Variants in TAF1C observed in about 807,000 individuals in gnomAD.
The protein encoded by TAF1C is TATA box-binding protein-associated factor RNA polymerase I subunit C.
In TAF1C, 79 loss-of-function variants were observed where a neutral mutation model predicts 70.5. That is an observed-to-expected ratio of 1.12 (90% CI 0.93 to 1.35). The LOEUF (loss-of-function observed/expected upper bound fraction) is 1.35. Among genes scored for constraint, TAF1C ranks in the 40% most tolerant of loss-of-function variants. The pLI is 0.00. For synonymous variants in TAF1C, 614 were observed against 491.1 expected (o/e 1.25, Z -3.31); for missense variants, 1,412 against 1,127.8 (o/e 1.25, Z -3.61).
rs747517990 is a variant in TAF1C at position 84,179,620 on chromosome 16, A to G, written c.1853T>C (p.Leu618Pro). The G allele has an allele frequency of 3.1e-6, 5 of 1,612,536 alleles. No individual in the cohort carries two copies. In the Admixed American group the frequency reaches 5.0e-5, roughly 16 times the overall value. The change falls in exon 15 of 15, where the codon CTA becomes CCA. Residue 618 changes from leucine (L) to proline (P), a missense_variant. By Grantham distance (98) the Leu-to-Pro change is moderately conservative. Coordinates refer to ENST00000566732, the MANE Select transcript of TAF1C (RefSeq NM_001243156.2). The part of the protein sequence containing the change: ...AGCSQWLKAL[L>P]KVPLAPPVWT... ...CACAGGAGGAGCCAGGGGCACTTTTAGCAGGGCCTTCAGCCACTGGCTGCA... is the reference window on the plus strand; with the variant it reads ...CACAGGAGGAGCCAGGGGCACTTTTGGCAGGGCCTTCAGCCACTGGCTGCA...
At position 84,179,123 on chromosome 16, in the gene TAF1C, C is replaced by G. The variant is rs145817207; in HGVS notation, c.2350G>C (p.Glu784Gln). ...PDACAQGVPS[E>Q]QRQMLRDYMA... ...TAGTCACGGAGCATCTGCCGCTGCT[C>G]TGATGGGACGCCCTGGGCGCATGCA... Residue 784 changes from glutamate (E) to glutamine (Q), a missense_variant, in exon 15 of 15, where the codon GAG (glutamate) becomes CAG (glutamine). Physicochemically the swap from Glu to Gln is conservative, Grantham distance 29 (BLOSUM62 2). Transcript: ENST00000566732. The G allele has an allele frequency of 2.1e-4, 344 of 1,609,446 alleles. 4 individuals are homozygous for G. The African/African-American group carries it at 4.2e-3, about 20-fold the overall frequency.
intron 11 of TAF1C, 31 bp from the exon 12 acceptor site, chr16:84,181,217 C>G (rs367838976): frequency 1.3e-6 from 2 of 1,594,058 alleles, no homozygotes; most frequent in Non-Finnish European, 1.7e-6. Context: ...CAGCCCTCCC[C>G]ACAGTCCCAG....
intron 12 of TAF1C, 156 bp downstream of exon 12, chr16:84,180,887 G>A (rs2089136882): frequency 1.4e-6 from 2 of 1,431,246 alleles, no homozygotes; most frequent in Non-Finnish European, 1.8e-6. Flanking sequence ...CCGACTGTGG[G>A]ATCCACTGCG....
chr16:84,183,032 C>G, intron 6 of TAF1C, 44 bp downstream of exon 6: 1 of 1,604,140 alleles, frequency 6.2e-7, no homozygotes, highest in South Asian at 1.1e-5. Context: ...ATCCCCACCA[C>G]CAGCTATGCC....
Position 84,178,517 on chromosome 16 carries a change from C to G in TAF1C, c.*424G>C, listed in dbSNP as rs1045821579. The G allele has an allele frequency of 2.8e-5, 13 of 461,536 alleles. No individual in the cohort carries two copies. In the East Asian group the frequency reaches 3.4e-4, roughly 12 times the overall value. 28.6% of individuals were successfully genotyped at this position (461,536 alleles called of 1,614,324 possible). ...CCAACGGCCGCTGTGCCCACCTCAT[C>G]AGCAGCTCTGCAGGGGCCTCACTCC... On this transcript the variant is annotated 3_prime_UTR_variant, in exon 15 of 15. Transcript: ENST00000566732.
chr16:84,178,169 A>C lies in TAF1C; in HGVS notation c.*772T>G. ...AAATGAGAAGGGGAGGGAGGAAAGA[A>C]AGGGGGGAGTCTGTGAGGCACAACA... On this transcript the variant is annotated 3_prime_UTR_variant, in exon 15 of 15. Coordinates refer to ENST00000566732, the MANE Select transcript of TAF1C (RefSeq NM_001243156.2). The C allele has an allele frequency of 2.6e-6, 1 of 381,162 alleles. No individual in the cohort carries two copies. The allele number at this position is 381,162 out of a possible 1,614,324, so 23.6% of individuals were successfully genotyped here.
At position 84,179,659 on chromosome 16, in the gene TAF1C, T is replaced by C; in HGVS notation, c.1814A>G (p.Gln605Arg). 6.2e-7 allele frequency: 1 copy of C among 1,612,616 alleles called. No homozygotes were observed. Among genetic ancestry groups the C allele is most frequent in the South Asian group, 1.1e-5 (1 of 91,050 alleles). Reference protein sequence around the residue: ...CHAPTASWTSQDTAGCSQWLK... With the variant: ...CHAPTASWTSRDTAGCSQWLK... ...CCACTGGCTGCAGCCGGCAGTGTCCTGGGAGGTCCAGGAAGCTGTGGGGGC... is the reference window on the plus strand; with the variant it reads ...CCACTGGCTGCAGCCGGCAGTGTCCCGGGAGGTCCAGGAAGCTGTGGGGGC... The change falls in exon 15 of 15, where the codon CAG (glutamine) becomes CGG (arginine). Residue 605 changes from glutamine to arginine, a missense_variant. Gln to Arg is a conservative substitution (Grantham distance 43). Transcript: ENST00000566732.
Position 84,183,481 on chromosome 16 carries a change from G to C in TAF1C, c.247C>G (p.Arg83Gly), listed in dbSNP as rs538394488. ...IDPWDPGLTA[R>G]DLLFRGGCRY... ...CACCCTCCGCGGAAAAGCAGGTCCC[G>C]GGCAGTCAGGCCAGGGTCCCAGGGA... Residue 83 changes from arginine to glycine, a missense_variant, in exon 4 of 15, where the codon CGG (arginine) becomes GGG (glycine). Physicochemically the swap from Arg to Gly is moderately radical, Grantham distance 125. Coordinates refer to ENST00000566732, the MANE Select transcript of TAF1C (RefSeq NM_001243156.2). The C allele has an allele frequency of 2.5e-6, 4 of 1,611,086 alleles. No homozygotes were observed. Among genetic ancestry groups the C allele is most frequent in the Non-Finnish European group, 3.4e-6 (4 of 1,178,730 alleles).
Position 84,181,190 on chromosome 16 carries a change from G to A in TAF1C, c.1165-4C>T. The A allele has an allele frequency of 6.2e-7, 1 of 1,604,766 alleles. No homozygotes were observed. The highest frequency in any genetic ancestry group is 8.5e-7 in the Non-Finnish European group (1 of 1,172,732). On this transcript the variant is annotated splice_region_variant and splice_polypyrimidine_tract_variant and intron_variant, in intron 11 of 14. Transcript: ENST00000566732. Reference sequence around the variant, plus strand: ...ACAGACCACAGCCCGGCGGGCCCTGGAAGATAAACACAGGGTCAGCCCTCC... The same window carrying A: ...ACAGACCACAGCCCGGCGGGCCCTGAAAGATAAACACAGGGTCAGCCCTCC...
In TAF1C at chr16:84,182,970, G is replaced by A; in HGVS notation, c.482+106C>T. Reference sequence around the variant, plus strand: ...AGTACAGCTCAGACTGCATGGAGCAGGGGGGAAGTGGGTATGACGGAAAGC... The same window carrying A: ...AGTACAGCTCAGACTGCATGGAGCAAGGGGGAAGTGGGTATGACGGAAAGC... On this transcript the variant is annotated intron_variant, in intron 6 of 14. Transcript: ENST00000566732. The surrounding 1 kb of genome is among the most constrained non-coding windows in gnomAD (Gnocchi z 5.0). 5.4e-6 allele frequency: 6 copies of A among 1,109,660 alleles called. No homozygotes were observed. Among genetic ancestry groups the A allele is most frequent in the South Asian group, 3.9e-5 (3 of 77,014 alleles). The allele number at this position is 1,109,660 out of a possible 1,614,324, so 68.7% of individuals were successfully genotyped here. A position where few individuals can be genotyped will look rare whatever the true frequency, so the allele number is the denominator to read the frequency against.
Position 84,185,001 on chromosome 16 carries a change from G to C in TAF1C, c.-13C>G, listed in dbSNP as rs769664693. ...TGGGGAAGTCCATCCTGGAAACAAG[G>C]ACCAAGCACCACACTGGCCACCTCG... On this transcript the variant is annotated 5_prime_UTR_variant, in exon 2 of 15. Transcript: ENST00000566732. 1 of 1,612,340 alleles carries C rather than the reference G, an allele frequency of 6.2e-7. No individual in the cohort carries two copies. The highest frequency in any genetic ancestry group is 8.5e-7 in the Non-Finnish European group (1 of 1,179,188).
intron 1 of TAF1C, among the ~76,000 whole-genome samples, chr16:84,185,959 G>C (rs1481905023): frequency 2.0e-5 from 3 of 152,186 alleles, no homozygotes; most frequent in African/African-American, 7.2e-5. Context: ...AGAAGTATGA[G>C]CAGCCATAGC....
In TAF1C at chr16:84,179,664, G is replaced by C. The variant is rs375887386; in HGVS notation, c.1809C>G (p.Thr603=). Residue 603 remains threonine (T), a synonymous_variant, in exon 15 of 15, where the codon ACC becomes ACG. Coordinates refer to ENST00000566732, the MANE Select transcript of TAF1C (RefSeq NM_001243156.2). Reference sequence around the variant, plus strand: ...GGCTGCAGCCGGCAGTGTCCTGGGAGGTCCAGGAAGCTGTGGGGGCATGGC... The same window carrying C: ...GGCTGCAGCCGGCAGTGTCCTGGGACGTCCAGGAAGCTGTGGGGGCATGGC... ...PDCHAPTASW[T]SQDTAGCSQW... is the part of the protein sequence containing the mutation. 28 of 1,612,676 alleles carry C rather than the reference G, an allele frequency of 1.7e-5. No homozygotes were observed. In the African/African-American group the frequency reaches 3.6e-4, roughly 21 times the overall value.
chr16:84,186,448 G>A (rs2089494400), intron 1 of TAF1C, among the ~76,000 whole-genome samples: 1 of 152,186 alleles, frequency 6.6e-6, no homozygotes, highest in Non-Finnish European at 1.5e-5. Context: ...CAACTACCGA[G>A]GAGGCTGGGC....
chr16:84,179,082 T>G lies in TAF1C; in HGVS notation c.2391A>C (p.Pro797=). Reference sequence around the variant, plus strand: ...CACAGCCTGGGGTGTCCCTCTGGGGTGGTAGCTTGGCCATGTAGTCACGGA... The same window carrying G: ...CACAGCCTGGGGTGTCCCTCTGGGGGGGTAGCTTGGCCATGTAGTCACGGA... The part of the protein sequence containing the change: ...QMLRDYMAKL[P]PQRDTPGCAT... The change falls in exon 15 of 15, where the codon CCA becomes CCC. Residue 797 remains proline (P), a synonymous_variant. Coordinates refer to ENST00000566732, the MANE Select transcript of TAF1C (RefSeq NM_001243156.2). 1.2e-6 allele frequency: 2 copies of G among 1,609,526 alleles called. No homozygotes were observed. The highest frequency in any genetic ancestry group is 8.5e-7 in the Non-Finnish European group (1 of 1,178,772).
chr16:84,179,435 G>T lies in TAF1C; in HGVS notation c.2038C>A (p.Pro680Thr), dbSNP rs777449667. 6.3e-7 allele frequency: 1 copy of T among 1,597,016 alleles called. No individual in the cohort carries two copies. The highest frequency in any genetic ancestry group is 1.1e-5 in the South Asian group (1 of 90,802). ...DLGSLPAAEP[P>T]PAPESGLEDK... is the part of the protein sequence containing the mutation. The stretch of plus-strand genomic sequence containing the variant: ...TCTAGGCCTGACTCGGGTGCAGGGG[G>T]TGGCTCTGCCGCAGGGAGGGAGCCC... Residue 680 changes from proline to threonine, a missense_variant, in exon 15 of 15, where the codon CCC becomes ACC. Coordinates refer to ENST00000566732, the MANE Select transcript of TAF1C (RefSeq NM_001243156.2).
Position 84,177,952 on chromosome 16 carries a change from T to A in TAF1C, c.*989A>T. 1 of 905,672 alleles carries A rather than the reference T, an allele frequency of 1.1e-6. No individual in the cohort carries two copies. The highest frequency in any genetic ancestry group is 1.4e-5 in the South Asian group (1 of 72,938). The allele number at this position is 905,672 out of a possible 1,614,324, so 56.1% of individuals were successfully genotyped here. A position where few individuals can be genotyped will look rare whatever the true frequency, so the allele number is the denominator to read the frequency against. ...AGTGTATGATTGGGCTAGCTCCTGTTTGTGTGAGTCACATGCAATTCCTTT... is the reference window on the plus strand; with the variant it reads ...AGTGTATGATTGGGCTAGCTCCTGTATGTGTGAGTCACATGCAATTCCTTT... On this transcript the variant is annotated 3_prime_UTR_variant, in exon 15 of 15. Transcript: ENST00000566732.
In TAF1C at chr16:84,183,234, G is replaced by A. The variant is rs911340094; in HGVS notation, c.408+10C>T. On this transcript the variant is annotated intron_variant, in intron 5 of 14. Transcript: ENST00000566732. Reference sequence around the variant, plus strand: ...GGGAGTCCCCACCCCTGGAGTCACGGGCCACTCACCCCCGCTCCCTCCAGC... The same window carrying A: ...GGGAGTCCCCACCCCTGGAGTCACGAGCCACTCACCCCCGCTCCCTCCAGC... 3 of 1,613,828 alleles carry A rather than the reference G, an allele frequency of 1.9e-6. No homozygotes were observed. The highest frequency in any genetic ancestry group is 2.7e-5 in the African/African-American group (2 of 74,888).
rs749176361 is a variant in TAF1C at position 84,183,228 on chromosome 16, G to A, written c.408+16C>T. 8.7e-6 allele frequency: 14 copies of A among 1,613,848 alleles called. 2 individuals carry two copies. The South Asian group carries it at 1.4e-4, about 16-fold the overall frequency. On this transcript the variant is annotated intron_variant, in intron 5 of 14. Transcript: ENST00000566732. ...ACAGCAGGGAGTCCCCACCCCTGGA[G>A]TCACGGGCCACTCACCCCCGCTCCC...
Sources: allele counts gnomAD v4.1 joint callset (sites outside exome capture counted in the v4.1 genomes callset), GRCh38; gene constraint gnomAD v4.1.1; non-coding constraint Gnocchi (gnomAD v3.1); transcripts MANE v1.5; gene names NCBI Gene and HGNC (gene_info 2026-07-23, HGNC 2026-07-21).